DLG4: variants seen among roughly 807,000 people sequenced by gnomAD.
DLG4 encodes disks large homolog 4.
A neutral mutation model predicts 93.8 loss-of-function variants in DLG4; 7 were observed. That is an observed-to-expected ratio of 0.07 (90% CI 0.04 to 0.14). The LOEUF is 0.14. DLG4 is among the 10% of genes least tolerant of loss of function. The probability of loss-of-function intolerance (pLI) is 1.00; values close to 1 mark genes in which losing one functional copy is unlikely to be tolerated. For missense variants in DLG4, 545 were observed against 992.9 expected (o/e 0.55, Z 6.06); for synonymous variants, 341 against 387.6 (o/e 0.88, Z 1.41).
At chr17:7,219,921 T>TGGGCGTACAGGACGC, upstream of DLG4, 1 of 1,555,336 alleles carries the variant, frequency 6.4e-7, no homozygotes, top group Non-Finnish European at 8.7e-7. Flanking sequence ...CGCCAGGACG[T>TGGGCGTACAGGACGC]GGGCGTGCAG....
At chr17:7,202,861 G>A (rs764359531) in intron 8 of DLG4, 42 bp downstream of exon 8, 48 of 1,610,822 alleles carry the variant, frequency 3.0e-5, no homozygotes, top group East Asian at 4.5e-5. Context: ...TGGGTTAAAC[G>A]GGATGGGTCA....
intron 8 of DLG4, chr17:7,202,672 A>G: frequency 1.8e-6 from 1 of 568,644 alleles, no homozygotes; most frequent in Non-Finnish European, 3.0e-6. Context: ...AATTAGCCAT[A>G]AAACCAACCA....
At chr17:7,213,619 G>A (rs1410431103) in intron 1 of DLG4, among the ~76,000 whole-genome samples, 3 of 152,038 alleles carry the variant, frequency 2.0e-5, no homozygotes, top group Admixed American at 6.6e-5. Flanking sequence ...CCTCCTTCAG[G>A]TCTCTTCAGA....
Position 7,196,636 on chromosome 17 carries a change from T to G in DLG4, c.1084-61A>C. 1 of 1,603,680 alleles carries G rather than the reference T, an allele frequency of 6.2e-7. No homozygotes were observed. The highest frequency in any genetic ancestry group is 8.5e-7 in the Non-Finnish European group (1 of 1,172,924). ...AGGAGGCAGCACTTCTGGGTCCAGG[T>G]GGAGCAGGGAGTGGTCCCGCAAGAG... is the stretch of plus-strand genomic sequence containing the variant. On this transcript the variant is annotated intron_variant, in intron 9 of 19. Transcript: ENST00000399506. This position sits in a 1 kb window ranked among gnomAD's most constrained non-coding sequence, Gnocchi z 8.3.
At chr17:7,205,377 G>A (rs887053030) in intron 2 of DLG4, among the ~76,000 whole-genome samples, 12 of 152,172 alleles carry the variant, frequency 7.9e-5, no homozygotes, top group Non-Finnish European at 1.8e-4. Context: ...CCGAAGCCAC[G>A]TCTCTATGGC....
intron 2 of DLG4, among the ~76,000 whole-genome samples, chr17:7,207,544 G>C (rs906017613): frequency 9.9e-5 from 15 of 152,044 alleles, no homozygotes; most frequent in African/African-American, 3.4e-4. Flanking sequence ...GGGAGGAGGC[G>C]GGGAAGGGAC....
Position 7,196,079 on chromosome 17 carries a change from TG to T in DLG4, c.1301+140del. ...ATGTTAACCTGTGCAGCCAAGCCCA[TG>T]AACCCTGGCTGCGCCTCAGGCCTGG... On this transcript the variant is annotated intron_variant, in intron 11 of 19. Coordinates refer to ENST00000399506, the MANE Select transcript of DLG4 (RefSeq NM_001321075.3). This position sits in a 1 kb window ranked among gnomAD's most constrained non-coding sequence, Gnocchi z 8.3. 1.6e-6 allele frequency: 1 copy of T among 629,042 alleles called. No homozygotes were observed. The highest frequency in any genetic ancestry group is 2.8e-6 in the Non-Finnish European group (1 of 361,314). The allele number at this position is 629,042 out of a possible 1,614,324, so 39.0% of individuals were successfully genotyped here.
At chr17:7,217,963 C>A, upstream of DLG4, 1 of 799,416 alleles carries the variant, frequency 1.3e-6, no homozygotes, top group Non-Finnish European at 2.0e-6. Flanking sequence ...CCCTGGGGGC[C>A]TAGTTCTCCC....
chr17:7,210,788 G>C (rs1437743500), intron 1 of DLG4, among the ~76,000 whole-genome samples: 1 of 152,154 alleles, frequency 6.6e-6, no homozygotes, highest in Non-Finnish European at 1.5e-5. Flanking sequence ...ACCTCAGAGA[G>C]AAAATTCCTG....
At chr17:7,214,325 T>C (rs1382606070) in intron 1 of DLG4, among the ~76,000 whole-genome samples, 1 of 152,084 alleles carries the variant, frequency 6.6e-6, no homozygotes, top group African/African-American at 2.4e-5. Context: ...CCCGCCCTCA[T>C]TTCGGTCAGG....
At chr17:7,205,187 T>G (rs1875673) in intron 2 of DLG4, 644,359 of 984,542 alleles carry the variant, frequency 0.65, 212,404 homozygotes, top group African/African-American at 0.84. Context: ...CGTCAGGAAC[T>G]GGGAGTGGTG....
intron 1 of DLG4, among the ~76,000 whole-genome samples, chr17:7,216,134 G>C (rs771175159): frequency 6.6e-6 from 1 of 151,600 alleles, no homozygotes; most frequent in African/African-American, 2.4e-5. Context: ...AGTAACCTCA[G>C]TAACTTCGGT....
At position 7,196,540 on chromosome 17, in the gene DLG4, C is replaced by T. The variant is rs759308184; in HGVS notation, c.1119G>A (p.Glu373=). 25 of 1,613,934 alleles carry T rather than the reference C, an allele frequency of 1.5e-5. No individual in the cohort carries two copies. The highest frequency in any genetic ancestry group is 2.0e-5 in the Non-Finnish European group (24 of 1,179,904). ...CATTCTTCAGGGCAATGGCAGCCTG[C>T]TCATGGCTGGCATTTCGGAGGTCCA... ...NGVDLRNASH[E]QAAIALKNAG... is the part of the protein sequence containing the mutation. The change falls in exon 10 of 20, where the codon GAG becomes GAA. Residue 373 remains glutamate, a synonymous_variant. Coordinates refer to ENST00000399506, the MANE Select transcript of DLG4 (RefSeq NM_001321075.3). This position sits in a 1 kb window ranked among gnomAD's most constrained non-coding sequence, Gnocchi z 8.3.
At position 7,191,478 on chromosome 17, in the gene DLG4, C is replaced by T; in HGVS notation, c.1977-120G>A. ...GGAGCACATAGCAAAAAAAAAAATA[C>T]AATTCCCAATATCCTCTGGGGCCAC... On this transcript the variant is annotated intron_variant, in intron 18 of 19. Transcript: ENST00000399506. This position sits in a 1 kb window ranked among gnomAD's most constrained non-coding sequence, Gnocchi z 6.6. 1 of 806,112 alleles carries T rather than the reference C, an allele frequency of 1.2e-6. No homozygotes were observed. Among genetic ancestry groups the T allele is most frequent in the Non-Finnish European group, 2.0e-6 (1 of 492,974 alleles). The allele number at this position is 806,112 out of a possible 1,614,324, so 49.9% of individuals were successfully genotyped here. A position where few individuals can be genotyped will look rare whatever the true frequency, so the allele number is the denominator to read the frequency against.
chr17:7,193,409 T>C lies in DLG4; in HGVS notation c.1693+74A>G. On this transcript the variant is annotated intron_variant, in intron 16 of 19. Coordinates refer to ENST00000399506, the MANE Select transcript of DLG4 (RefSeq NM_001321075.3). This position sits in a 1 kb window ranked among gnomAD's most constrained non-coding sequence, Gnocchi z 6.7. ...CCGATCCCCCAGGAGGCTCTGCCTA[T>C]GGCCCCAGGGATGGGCCTCCCCTGC... The C allele has an allele frequency of 7.1e-7, 1 of 1,402,800 alleles. No homozygotes were observed. Among genetic ancestry groups the C allele is most frequent in the Non-Finnish European group, 9.5e-7 (1 of 1,047,270 alleles). 86.9% of individuals were successfully genotyped at this position (1,402,800 alleles called of 1,614,324 possible).
chr17:7,214,355 C>T (rs1180487988), intron 1 of DLG4, among the ~76,000 whole-genome samples: 2 of 152,188 alleles, frequency 1.3e-5, no homozygotes, highest in Non-Finnish European at 2.9e-5. Context: ...CCCAAGGTTC[C>T]TCCCCTTTCC....
chr17:7,203,041 T>G lies in DLG4; in HGVS notation c.649A>C (p.Ser217Arg). 6.2e-7 allele frequency: 1 copy of G among 1,602,446 alleles called. No homozygotes were observed. The highest frequency in any genetic ancestry group is 8.5e-7 in the Non-Finnish European group (1 of 1,170,122). Reference sequence around the variant, plus strand: ...TGCATGACGTCCTCTAGCCCCACACTGTTGACCTGGAGTCAAGGAAAGCAA... The same window carrying G: ...TGCATGACGTCCTCTAGCCCCACACGGTTGACCTGGAGTCAAGGAAAGCAA... ...QIGDKILAVN[S>R]VGLEDVMHED... The change falls in exon 8 of 20, where the codon AGT becomes CGT. Residue 217 changes from serine to arginine, a missense_variant. Ser to Arg is a moderately radical substitution (Grantham distance 110). Transcript: ENST00000399506. This position sits in a 1 kb window ranked among gnomAD's most constrained non-coding sequence, Gnocchi z 7.2.
intron 8 of DLG4, 179 bp downstream of exon 8, chr17:7,202,724 C>T: frequency 1.2e-6 from 1 of 809,128 alleles, no homozygotes; most frequent in Admixed American, 3.1e-5. Context: ...ACGATCTTTT[C>T]TAGTTCTTTT....
At chr17:7,197,355 G>A (rs1341601325) in intron 8 of DLG4, among the ~76,000 whole-genome samples, 2 of 151,864 alleles carry the variant, frequency 1.3e-5, no homozygotes, top group Admixed American at 1.3e-4. Flanking sequence ...GTTTTCTCTG[G>A]GTTCCTGTGT....
Sources: allele counts gnomAD v4.1 joint callset (sites outside exome capture counted in the v4.1 genomes callset), GRCh38; gene constraint gnomAD v4.1.1; non-coding constraint Gnocchi (gnomAD v3.1); transcripts MANE v1.5; gene names NCBI Gene and HGNC (gene_info 2026-07-23, HGNC 2026-07-21).